Variants in FTO observed in about 807,000 individuals in gnomAD.
FTO encodes alpha-ketoglutarate-dependent dioxygenase FTO.
In FTO, 47 loss-of-function variants were observed where a neutral mutation model predicts 63.9. The observed-to-expected ratio is 0.74, with a 90% CI of 0.58 to 0.94. The LOEUF is 0.94. FTO is among the 40% of genes least tolerant of loss of function. The pLI, the probability that FTO is intolerant of heterozygous loss-of-function variation, is 0.00. For synonymous variants in FTO, 207 were observed against 224.4 expected, an observed-to-expected ratio of 0.92 and a Z score of 0.69; for missense variants, 562 against 618.1, an observed-to-expected ratio of 0.91 and a Z score of 0.96.
intron 7 of FTO, chr16:53,923,185 C>T (rs1190187022): frequency 6.6e-6 from 1 of 152,216 alleles, no homozygotes; most frequent in African/African-American, 2.4e-5. Flanking sequence ...CATTTCCTAT[C>T]ATAAGAAGCC....
chr16:53,710,780 A>T (rs2075751450), intron 1 of FTO, among the ~76,000 whole-genome samples: 1 of 152,202 alleles, frequency 6.6e-6, no homozygotes, highest in South Asian at 2.1e-4. Context: ...AGTATCTGGT[A>T]ACAGTGGGCA....
chr16:53,757,757 G>A (rs1598585034), intron 1 of FTO, among the ~76,000 whole-genome samples: 1 of 152,124 alleles, frequency 6.6e-6, no homozygotes, highest in Admixed American at 6.5e-5. Flanking sequence ...GGAATTCAAA[G>A]GATAAATTTC....
chr16:53,951,373 C>G (rs2082796736), intron 8 of FTO, among the ~76,000 whole-genome samples: 1 of 152,168 alleles, frequency 6.6e-6, no homozygotes, highest in South Asian at 2.1e-4. Flanking sequence ...CATCCATGTT[C>G]AGTCCCTTAA....
At chr16:54,016,068 C>T (rs2084439091) in intron 8 of FTO, among the ~76,000 whole-genome samples, 1 of 152,140 alleles carries the variant, frequency 6.6e-6, no homozygotes, top group Non-Finnish European at 1.5e-5. Flanking sequence ...ATCTTCAAAG[C>T]AACTCCATGA....
chr16:53,950,160 A>AAAAAAAAAAAAAAAAAAAAAAAAAAAAAC (rs2082746105), intron 8 of FTO, among the ~76,000 whole-genome samples: 11 of 115,680 alleles, frequency 9.5e-5, no homozygotes, highest in Non-Finnish European at 1.1e-4. Flanking sequence ...ATTTGTAAAA[A>AAAAAAAAAAAAAAAAAAAAAAAAAAAAAC]AAAAAAAAAA....
At chr16:53,957,130 T>C (rs372392418) in intron 8 of FTO, among the ~76,000 whole-genome samples, 4 of 152,298 alleles carry the variant, frequency 2.6e-5, no homozygotes, top group African/African-American at 9.6e-5. Context: ...CATATCCCAA[T>C]AAAATTTTCT....
chr16:53,783,217 C>T (rs1027629006), intron 1 of FTO, among the ~76,000 whole-genome samples: 2 of 152,056 alleles, frequency 1.3e-5, no homozygotes, highest in African/African-American at 2.4e-5. Context: ...TGCGGTGGCT[C>T]ACTCCTGTAA....
intron 7 of FTO, among the ~76,000 whole-genome samples, chr16:53,891,845 A>C (rs2081157881): frequency 6.6e-6 from 1 of 152,202 alleles, no homozygotes. Context: ...TTGTATAAAA[A>C]ATACTAAAAG....
intron 8 of FTO, among the ~76,000 whole-genome samples, chr16:53,967,837 A>C (rs1290186691): frequency 1.3e-5 from 2 of 152,214 alleles, no homozygotes; most frequent in African/African-American, 4.8e-5. Context: ...TAATTTAGAG[A>C]AGGGCAAATC....
At chr16:53,836,732 A>C (rs2079303826) in intron 3 of FTO, among the ~76,000 whole-genome samples, 2 of 152,236 alleles carry the variant, frequency 1.3e-5, no homozygotes, top group African/African-American at 2.4e-5. Flanking sequence ...TTGTTCCAAC[A>C]GTAATGATGT....
chr16:53,710,916 G>A (rs895598067), intron 1 of FTO, among the ~76,000 whole-genome samples: 2 of 152,138 alleles, frequency 1.3e-5, no homozygotes, highest in African/African-American at 2.4e-5. Context: ...AGCTTTAGAT[G>A]CAGACTCCTG....
At chr16:53,896,334 G>T (rs564736022) in intron 7 of FTO, among the ~76,000 whole-genome samples, 89 of 150,756 alleles carry the variant, frequency 5.9e-4, no homozygotes, top group African/African-American at 2.1e-3. Context: ...TTTTTTGTGG[G>T]GAGCATGGTA....
chr16:53,785,401 A>C (rs1266633407), intron 1 of FTO, among the ~76,000 whole-genome samples: 1 of 152,228 alleles, frequency 6.6e-6, no homozygotes, highest in African/African-American at 2.4e-5. Flanking sequence ...AGAGACAAAA[A>C]TTAAGTACAA....
At chr16:53,815,952 A>G (rs1485419314) in intron 2 of FTO, among the ~76,000 whole-genome samples, 2 of 151,942 alleles carry the variant, frequency 1.3e-5, no homozygotes, top group Admixed American at 1.3e-4. Context: ...CCCAGCTGCC[A>G]TTGACTTTCT....
chr16:53,715,614 A>G (rs186604172), intron 1 of FTO, among the ~76,000 whole-genome samples: 5 of 152,326 alleles, frequency 3.3e-5, no homozygotes, highest in Admixed American at 1.3e-4. Context: ...AATGAGGCAT[A>G]TCCGCTCCGC....
At chr16:54,057,083 A>T (rs953669643) in intron 8 of FTO, among the ~76,000 whole-genome samples, 1 of 152,230 alleles carries the variant, frequency 6.6e-6, no homozygotes, top group African/African-American at 2.4e-5. Flanking sequence ...AGGTTGGTTT[A>T]TGAGCAGCAG....
intron 4 of FTO, among the ~76,000 whole-genome samples, chr16:53,848,194 A>G (rs1480536681): frequency 6.6e-6 from 1 of 152,200 alleles, no homozygotes; most frequent in East Asian, 1.9e-4. Context: ...TTACTTTTAA[A>G]TCCAAATAGC....
chr16:53,704,438 A>G (rs1188722708), intron 1 of FTO, among the ~76,000 whole-genome samples: 1 of 152,238 alleles, frequency 6.6e-6, no homozygotes, highest in East Asian at 1.9e-4. Context: ...GATCGGCTCA[A>G]AAATGAGAAG....
At chr16:53,926,752 G>A (rs1193104822) in intron 7 of FTO, among the ~76,000 whole-genome samples, 1 of 152,142 alleles carries the variant, frequency 6.6e-6, no homozygotes, top group Non-Finnish European at 1.5e-5. Flanking sequence ...GGGAATTACA[G>A]TTTTATATGA....
Sources: allele counts gnomAD v4.1 joint callset (sites outside exome capture counted in the v4.1 genomes callset), GRCh38; gene constraint gnomAD v4.1.1; transcripts MANE v1.5; gene names NCBI Gene and HGNC (gene_info 2026-07-23, HGNC 2026-07-21).